ASMTL: variants seen among roughly 807,000 people sequenced by gnomAD.
ASMTL encodes the protein acetylserotonin O-methyltransferase like.
A neutral mutation model predicts 60.3 loss-of-function variants in ASMTL; 57 were observed. The observed-to-expected ratio is 0.95, with a 90% CI of 0.76 to 1.18. The LOEUF (loss-of-function observed/expected upper bound fraction) is 1.18, where lower values mean the gene tolerates loss of function less well. ASMTL is among the 50% of genes most tolerant of loss of function. ASMTL has a pLI of 0.00. For missense variants in ASMTL, 981 were observed against 852.6 expected (o/e 1.15, Z -1.88); for synonymous variants, 419 against 373.0 (o/e 1.12, Z -1.42).
In ASMTL at chrX:1,421,681, T is replaced by C; in HGVS notation, c.1222A>G (p.Lys408Glu). Reference sequence around the variant, plus strand: ...ACCTGGAACAGATCTTCCGCCTTCTTCCCCAACGCCCTGTGGTGCTGGTTT... The same window carrying C: ...ACCTGGAACAGATCTTCCGCCTTCTCCCCCAACGCCCTGTGGTGCTGGTTT... Reference protein sequence around the residue: ...GTNQHHRALGKKAEDLFQDAY... With the variant: ...GTNQHHRALGEKAEDLFQDAY... Residue 408 changes from lysine (K) to glutamate (E), a missense_variant, in exon 9 of 13, where the codon AAG becomes GAG. By Grantham distance (56) the Lys-to-Glu change is moderately conservative. Coordinates refer to ENST00000381317, the MANE Select transcript of ASMTL (RefSeq NM_004192.4). The C allele has an allele frequency of 6.2e-7, 1 of 1,613,824 alleles. No homozygotes were observed. The highest frequency in any genetic ancestry group is 8.5e-7 in the Non-Finnish European group (1 of 1,179,814).
intron 1 of ASMTL, among the ~76,000 whole-genome samples, chrX:1,445,678 A>T (rs5989804): frequency 0.13 from 19,019 of 152,126 alleles, 3,108 homozygotes; most frequent in African/African-American, 0.39. Context: ...ATATGATAAA[A>T]TATAAAACGA....
intron 3 of ASMTL, among the ~76,000 whole-genome samples, chrX:1,436,092 C>T (rs1451550325): frequency 2.6e-5 from 4 of 152,182 alleles, no homozygotes; most frequent in African/African-American, 7.2e-5. Flanking sequence ...AATCCTGCAA[C>T]GTGTGGTCCT....
At chrX:1,412,882 C>T (rs370426960) in intron 11 of ASMTL, 28 bp from the exon 12 acceptor site, 79 of 1,613,314 alleles carry the variant, frequency 4.9e-5, no homozygotes, top group Non-Finnish European at 6.1e-5. Context: ...CGAGATACGT[C>T]CGTCAGGTAT....
intron 9 of ASMTL, 95 bp downstream of exon 9, chrX:1,421,563 G>T: frequency 7.4e-7 from 1 of 1,352,388 alleles, no homozygotes; most frequent in Non-Finnish European, 1.0e-6. Context: ...TCAGACTGGA[G>T]ACAGACTGGT....
intron 7 of ASMTL, among the ~76,000 whole-genome samples, chrX:1,426,931 C>T (rs1409988531): frequency 1.3e-5 from 2 of 151,752 alleles, no homozygotes; most frequent in Admixed American, 6.6e-5. Flanking sequence ...TGCAGTGAGC[C>T]GAGATCATGC....
rs200555637 is a variant in ASMTL, at chrX:1,418,101, A to C, written c.1394T>G (p.Leu465Arg). Residue 465 changes from leucine to arginine, a missense_variant, in exon 11 of 13, where the codon CTG becomes CGG. Transcript: ENST00000381317. ...GTACTCACGGGCCAGCTCTCGGGCCAGTGCACCCGTGCAGCCTGCGGGGAA... is the reference window on the plus strand; with the variant it reads ...GTACTCACGGGCCAGCTCTCGGGCCCGTGCACCCGTGCAGCCTGCGGGGAA... ...ACDVGGCTGA[L>R]ARELAREYPR... The C allele has an allele frequency of 5.0e-6, 8 of 1,607,874 alleles. No homozygotes were observed. In the African/African-American group the frequency reaches 1.1e-4, roughly 21 times the overall value.
chrX:1,451,430 G>A (rs2091380271), intron 1 of ASMTL, among the ~76,000 whole-genome samples: 1 of 148,412 alleles, frequency 6.7e-6, no homozygotes, highest in South Asian at 2.1e-4. Flanking sequence ...CATGCCTAGG[G>A]GTTCCAGGTC....
At chrX:1,408,103 A>T (rs2089934778) in intron 12 of ASMTL, among the ~76,000 whole-genome samples, 1 of 151,028 alleles carries the variant, frequency 6.6e-6, no homozygotes, top group Non-Finnish European at 1.5e-5. Context: ...CGGGAGGCTG[A>T]GGCAGGAGGA....
At chrX:1,418,877 A>G in intron 10 of ASMTL, 105 bp downstream of exon 10, 1 of 1,427,680 alleles carries the variant, frequency 7.0e-7, no homozygotes, top group Admixed American at 1.8e-5. Flanking sequence ...GGTCGTTATC[A>G]GGTTTGTCAA....
At chrX:1,450,716 C>A (rs2091345635) in intron 1 of ASMTL, among the ~76,000 whole-genome samples, 1 of 143,166 alleles carries the variant, frequency 7.0e-6, no homozygotes, top group African/African-American at 2.6e-5. Context: ...CCAACCCCAT[C>A]CCTAGGGGTT....
At chrX:1,418,899 A>C in intron 10 of ASMTL, 83 bp downstream of exon 10, 1 of 1,552,128 alleles carries the variant, frequency 6.4e-7, no homozygotes, top group South Asian at 1.1e-5. Context: ...GGAAAAAGGC[A>C]GTTGGTAGGT....
At position 1,425,563 on chromosome X, in the gene ASMTL, A is replaced by G. The variant is rs199605192; in HGVS notation, c.1022T>C (p.Ile341Thr). 427 of 1,613,486 alleles carry G rather than the reference A, an allele frequency of 2.6e-4. No homozygotes were observed. Among genetic ancestry groups the G allele is most frequent in the Non-Finnish European group, 3.6e-4 (420 of 1,179,802 alleles). ...SACGMERLLDICAAMGLLEKT... is the reference protein window; with the variant it reads ...SACGMERLLDTCAAMGLLEKT... ...CTCCAGGAGCCCCATGGCAGCACAGATGTCCAGAAGCCTCTCCATTCCACA... is the reference window on the plus strand; with the variant it reads ...CTCCAGGAGCCCCATGGCAGCACAGGTGTCCAGAAGCCTCTCCATTCCACA... Residue 341 changes from isoleucine to threonine, a missense_variant, in exon 8 of 13, where the codon ATC (isoleucine) becomes ACC (threonine). By Grantham distance (89) the Ile-to-Thr change is moderately conservative. Coordinates refer to ENST00000381317, the MANE Select transcript of ASMTL (RefSeq NM_004192.4).
chrX:1,428,702 T>C (rs1603451201), intron 6 of ASMTL, among the ~76,000 whole-genome samples: 3 of 135,598 alleles, frequency 2.2e-5, no homozygotes, highest in Non-Finnish European at 4.8e-5. Context: ...TTTTGACATA[T>C]GTATACATGC....
intron 1 of ASMTL, among the ~76,000 whole-genome samples, chrX:1,446,139 G>C (rs5990000): frequency 0.87 from 132,477 of 152,032 alleles, 57,750 homozygotes; most frequent in East Asian, 0.94. Flanking sequence ...TACTAAAAGT[G>C]TCTGATAAGC....
At chrX:1,425,750 G>A (rs2090598408) in intron 7 of ASMTL, 63 bp from the exon 8 acceptor site, 5 of 1,542,952 alleles carry the variant, frequency 3.2e-6, no homozygotes, top group Non-Finnish European at 4.4e-6. Flanking sequence ...TACTCCCACA[G>A]ACTCAAAAGA....
Position 1,425,577 on chromosome X carries a change from C to T in ASMTL, c.1008G>A (p.Glu336=). The T allele has an allele frequency of 1.2e-6, 2 of 1,613,746 alleles. No individual in the cohort carries two copies. Among genetic ancestry groups the T allele is most frequent in the South Asian group, 1.1e-5 (1 of 91,074 alleles). The part of the protein sequence containing the change: ...SKVDASACGM[E]RLLDICAAMG... ...TGGCAGCACAGATGTCCAGAAGCCT[C>T]TCCATTCCACACGCAGAGGCGTCCA... Residue 336 remains glutamate (E), a synonymous_variant, in exon 8 of 13, where the codon GAG becomes GAA. Transcript: ENST00000381317.
In ASMTL at chrX:1,427,612, C is replaced by T. The variant is rs1490902152; in HGVS notation, c.897+122G>A. 27 of 1,069,530 alleles carry T rather than the reference C, an allele frequency of 2.5e-5. No individual in the cohort carries two copies. In the African/African-American group the frequency reaches 3.9e-4, roughly 16 times the overall value. 66.3% of individuals were successfully genotyped at this position (1,069,530 alleles called of 1,614,324 possible). The stretch of plus-strand genomic sequence containing the variant: ...CTAGAACCTTCGGAGAAAGCATGGC[C>T]CTGAGACAACCTGACCTCAGACTGC... On this transcript the variant is annotated intron_variant, in intron 7 of 12. Transcript: ENST00000381317.
At chrX:1,416,024 C>T (rs751429837) in intron 11 of ASMTL, among the ~76,000 whole-genome samples, 8 of 138,664 alleles carry the variant, frequency 5.8e-5, no homozygotes, top group Admixed American at 3.2e-4. Context: ...CACACACACA[C>T]GGACACAGAT....
rs749612505 is a variant in ASMTL, at chrX:1,412,845, A to G, written c.1532T>C (p.Phe511Ser). ...CTCAGCGCTGGGGAGGGGGTCCCTG[A>G]AAAAGTCACCTGGTTTAAAGACAAA... The part of the protein sequence containing the change: ...VQIHFAAGDF[F>S]RDPLPSAELY... Residue 511 changes from phenylalanine (F) to serine (S), a missense_variant, in exon 12 of 13, where the codon TTC becomes TCC. By Grantham distance (155) the Phe-to-Ser change is radical (BLOSUM62 -2). Transcript: ENST00000381317. The G allele has an allele frequency of 1.9e-6, 3 of 1,613,846 alleles. No homozygotes were observed. In the East Asian group the frequency reaches 6.7e-5, roughly 36 times the overall value.
Sources: gnomAD v4.1 joint callset for allele counts (sites outside exome capture counted in the v4.1 genomes callset) on GRCh38, gnomAD v4.1.1 for gene constraint, MANE v1.5 for transcripts, NCBI Gene and HGNC (gene_info 2026-07-23, HGNC 2026-07-21) for gene names.